DAD1: variants seen among roughly 807,000 people sequenced by gnomAD.
DAD1 encodes the protein defender against cell death 1.
A neutral mutation model predicts 9.0 loss-of-function variants in DAD1; 4 were observed. The observed-to-expected ratio is 0.44, with a 90% CI of 0.22 to 1.01. The LOEUF is 1.01. Among genes scored for constraint, DAD1 ranks in the 50% least tolerant of loss-of-function variants. The probability of loss-of-function intolerance (pLI) is 0.24; values close to 1 mark genes in which losing one functional copy is unlikely to be tolerated. For missense variants in DAD1, 119 were observed against 137.3 expected, an observed-to-expected ratio of 0.87 and a Z score of 0.67; for synonymous variants, 60 against 62.5, an observed-to-expected ratio of 0.96 and a Z score of 0.19.
rs1478570449 is a variant in DAD1 at position 22,589,165 on chromosome 14, C to T, written c.-8G>A. 11 of 1,614,018 alleles carry T rather than the reference C, an allele frequency of 6.8e-6. No homozygotes were observed. Among genetic ancestry groups the T allele is most frequent in the African/African-American group, 1.3e-5 (1 of 74,930 alleles). ...CACTACCGACGCCGACATAACTGCACGCAAGGTACTCCGGTCCGCGCCCCA... is the reference window on the plus strand; with the variant it reads ...CACTACCGACGCCGACATAACTGCATGCAAGGTACTCCGGTCCGCGCCCCA... On this transcript the variant is annotated 5_prime_UTR_variant, in exon 1 of 3. In the 5' UTR this introduces an upstream ATG that the reference lacks. Coordinates refer to ENST00000250498, the MANE Select transcript of DAD1 (RefSeq NM_001344.4).
chr14:22,580,420 G>A (rs1361544300), intron 1 of DAD1, among the ~76,000 whole-genome samples: 3 of 146,824 alleles, frequency 2.0e-5, no homozygotes, highest in Non-Finnish European at 3.0e-5. Flanking sequence ...AATCAAGACC[G>A]TCTCAAAAAA....
At chr14:22,582,723 C>T (rs1000522752) in intron 1 of DAD1, among the ~76,000 whole-genome samples, 2 of 151,680 alleles carry the variant, frequency 1.3e-5, no homozygotes, top group Admixed American at 1.3e-4. Context: ...AAAACACAAC[C>T]GGCCGGGCAT....
At chr14:22,585,868 T>C (rs2037148142) in intron 1 of DAD1, among the ~76,000 whole-genome samples, 1 of 152,190 alleles carries the variant, frequency 6.6e-6, no homozygotes, top group South Asian at 2.1e-4. Flanking sequence ...CTCCAATTCA[T>C]CCTACATGCT....
At position 22,575,153 on chromosome 14, in the gene DAD1, G is replaced by GA. The variant is rs777299667; in HGVS notation, c.291dup (p.Leu98SerfsTer25). ...AGGTGCAGGATGGTGCTGGCAAAGA[G>GA]AAAATCAGCAAAGGCTCGCTCTGGG... is the stretch of plus-strand genomic sequence containing the variant. On this transcript the variant is annotated frameshift_variant, in exon 2 of 3. Coordinates refer to ENST00000250498, the MANE Select transcript of DAD1 (RefSeq NM_001344.4). LOFTEE classifies it high-confidence loss of function. The GA allele has an allele frequency of 6.2e-7, 1 of 1,614,180 alleles. No individual in the cohort carries two copies. The highest frequency in any genetic ancestry group is 1.1e-5 in the South Asian group (1 of 91,080).
chr14:22,575,054 C>T lies in DAD1; in HGVS notation c.*44+5G>A. ...TATAGGACAAGGACTATGATCATCA[C>T]TTACATTCTTTTAGTCTCCTACTCC... On this transcript the variant is annotated splice_donor_5th_base_variant and intron_variant, in intron 2 of 2. Transcript: ENST00000250498. The T allele has an allele frequency of 6.2e-7, 1 of 1,601,646 alleles. No homozygotes were observed. The highest frequency in any genetic ancestry group is 8.5e-7 in the Non-Finnish European group (1 of 1,171,404).
At chr14:22,569,667 G>A in intron 2 of DAD1, among the ~76,000 whole-genome samples, 1 of 152,194 alleles carries the variant, frequency 6.6e-6, no homozygotes, top group East Asian at 1.9e-4. Context: ...AAATAAGGCA[G>A]TAAGTTAGGG....
chr14:22,569,009 T>C (rs2037020043), intron 2 of DAD1, among the ~76,000 whole-genome samples: 1 of 152,188 alleles, frequency 6.6e-6, no homozygotes, highest in Non-Finnish European at 1.5e-5. Flanking sequence ...CTCCTCTGAC[T>C]TCTTGTCTCA....
chr14:22,582,736 C>T (rs1018970078), intron 1 of DAD1, among the ~76,000 whole-genome samples: 1 of 151,178 alleles, frequency 6.6e-6, no homozygotes, highest in African/African-American at 2.4e-5. Context: ...CCGGGCATGG[C>T]GGCTCACACC....
At chr14:22,588,916 T>C (rs12880030) in intron 1 of DAD1, 31 bp downstream of exon 1, 9 of 1,606,782 alleles carry the variant, frequency 5.6e-6, no homozygotes, top group Non-Finnish European at 7.7e-6. Flanking sequence ...AAGTAACACA[T>C]TATTATTATG....
At chr14:22,580,063 C>T (rs2139243917) in intron 1 of DAD1, among the ~76,000 whole-genome samples, 1 of 151,980 alleles carries the variant, frequency 6.6e-6, no homozygotes, top group East Asian at 1.9e-4. Flanking sequence ...AGCAATCCTC[C>T]CGCCTCTGCT....
At chr14:22,570,218 C>A (rs5742833) in intron 2 of DAD1, among the ~76,000 whole-genome samples, 13,997 of 151,970 alleles carry the variant, frequency 0.092, 1,187 homozygotes, top group African/African-American at 0.22. Flanking sequence ...GAATAAAAGA[C>A]GTAGAACAAA....
At chr14:22,580,453 T>A (rs79415195) in intron 1 of DAD1, among the ~76,000 whole-genome samples, 6,144 of 152,078 alleles carry the variant, frequency 0.04, 390 homozygotes, top group African/African-American at 0.13. Flanking sequence ...TTTATTTACA[T>A]ATAATGATAT....
chr14:22,573,709 C>CAA (rs553176098), intron 2 of DAD1, among the ~76,000 whole-genome samples: 6,692 of 44,106 alleles, frequency 0.15, 379 homozygotes, highest in East Asian at 0.2. Context: ...GACTCCATCT[C>CAA]AAAAAAAAAA....
In DAD1 at chr14:22,588,885, G is replaced by C. The variant is rs56253357; in HGVS notation, c.211+62C>G. On this transcript the variant is annotated intron_variant, in intron 1 of 2. Transcript: ENST00000250498. ...GCGGTGGTCTGATATAGAGTACTAT[G>C]AAAACAAAAGCAGCACACCAAAGTA... is the stretch of plus-strand genomic sequence containing the variant. 14,887 of 1,554,682 alleles carry C rather than the reference G, an allele frequency of 9.6e-3. 87 individuals are homozygous for C. Among genetic ancestry groups the C allele is most frequent in the Non-Finnish European group, 0.012 (13,134 of 1,137,616 alleles).
intron 1 of DAD1, among the ~76,000 whole-genome samples, chr14:22,582,006 G>C (rs2037119816): frequency 6.7e-6 from 1 of 149,076 alleles, no homozygotes; most frequent in South Asian, 2.1e-4. Flanking sequence ...TTCAAGACCA[G>C]CCTGGTCAAG....
chr14:22,569,943 G>A (rs553410359), intron 2 of DAD1, among the ~76,000 whole-genome samples: 1 of 152,054 alleles, frequency 6.6e-6, no homozygotes, highest in African/African-American at 2.4e-5. Context: ...TTCCCAGCTT[G>A]GGCAACGTAG....
intron 2 of DAD1, 116 bp from the exon 3 acceptor site, chr14:22,565,253 A>C (rs1450652030): frequency 5.0e-6 from 3 of 599,208 alleles, no homozygotes; most frequent in Admixed American, 2.9e-5. Flanking sequence ...ACTCAGGACA[A>C]TATTTAAACC....
chr14:22,587,415 TATA>T (rs2139249600), intron 1 of DAD1, among the ~76,000 whole-genome samples: 1 of 152,178 alleles, frequency 6.6e-6, no homozygotes, highest in Admixed American at 6.5e-5. Flanking sequence ...AATAAAAACA[TATA>T]GTACCGTGGC....
Position 22,565,121 on chromosome 14 carries a change from A to G in DAD1, c.*61T>C. On this transcript the variant is annotated 3_prime_UTR_variant, in exon 3 of 3. Coordinates refer to ENST00000250498, the MANE Select transcript of DAD1 (RefSeq NM_001344.4). ...GCCATCTCCAGAACTCTTATCCAGG[A>G]AATTCAAAGAGTGAACCTAGAAGAA... 1.4e-6 allele frequency: 1 copy of G among 702,324 alleles called. No homozygotes were observed. The highest frequency in any genetic ancestry group is 2.6e-6 in the Non-Finnish European group (1 of 384,812). 43.5% of individuals were successfully genotyped at this position (702,324 alleles called of 1,614,324 possible).
Sources: gnomAD v4.1 joint callset for allele counts (sites outside exome capture counted in the v4.1 genomes callset) on GRCh38, gnomAD v4.1.1 for gene constraint, MANE v1.5 for transcripts, NCBI Gene and HGNC (gene_info 2026-07-23, HGNC 2026-07-21) for gene names.